The following ARB2A variants were observed in gnomAD, a reference collection of about 807,000 sequenced individuals.
The protein encoded by ARB2A is cotranscriptional regulator ARB2A.
At chr5:93,646,018 A>G in the ARB2A span, among the ~76,000 whole-genome samples, 2 of 152,190 alleles carry the variant, frequency 1.3e-5, no homozygotes, top group African/African-American at 4.8e-5. Flanking sequence ...AGCTGCATGG[A>G]CTGTCATAAT....
the ARB2A span, among the ~76,000 whole-genome samples, chr5:94,014,559 T>C: frequency 6.6e-6 from 1 of 152,068 alleles, no homozygotes; most frequent in East Asian, 1.9e-4. Flanking sequence ...GGAACTAGTG[T>C]CTGACCCTAA....
the ARB2A span, among the ~76,000 whole-genome samples, chr5:93,870,980 T>C: frequency 6.6e-6 from 1 of 152,212 alleles, no homozygotes; most frequent in Non-Finnish European, 1.5e-5. Context: ...GCATTTGTAC[T>C]TGTAAGACTG....
chr5:93,677,065 T>C, the ARB2A span, among the ~76,000 whole-genome samples: 20 of 152,296 alleles, frequency 1.3e-4, no homozygotes, highest in African/African-American at 4.6e-4. Flanking sequence ...AAAAGGGTGC[T>C]TTCCTAATTA....
At chr5:93,970,577 C>T in the ARB2A span, among the ~76,000 whole-genome samples, 2 of 152,086 alleles carry the variant, frequency 1.3e-5, no homozygotes, top group Non-Finnish European at 2.9e-5. Context: ...ATGTGGGACA[C>T]TGGGGTTTGA....
At chr5:93,798,073 G>C in the ARB2A span, among the ~76,000 whole-genome samples, 1 of 152,048 alleles carries the variant, frequency 6.6e-6, no homozygotes, top group Non-Finnish European at 1.5e-5. Flanking sequence ...ATAATAAAAG[G>C]AGATACTACC....
At chr5:93,718,604 T>C in the ARB2A span, among the ~76,000 whole-genome samples, 2 of 152,126 alleles carry the variant, frequency 1.3e-5, no homozygotes, top group Admixed American at 6.5e-5. Context: ...TCATACATAA[T>C]CCCCAGTTAC....
chr5:93,980,017 G>T, the ARB2A span, among the ~76,000 whole-genome samples: 1 of 151,860 alleles, frequency 6.6e-6, no homozygotes, highest in African/African-American at 2.4e-5. Context: ...TTTCTACCTT[G>T]GTTTTGTATT....
At chr5:93,740,691 G>C in the ARB2A span, 1 of 1,613,838 alleles carries the variant, frequency 6.2e-7, no homozygotes, top group Non-Finnish European at 8.5e-7. Flanking sequence ...CCAGGTGAAA[G>C]CACACTGGTG....
At chr5:93,677,384 G>C in the ARB2A span, among the ~76,000 whole-genome samples, 1 of 152,162 alleles carries the variant, frequency 6.6e-6, no homozygotes, top group Non-Finnish European at 1.5e-5. Context: ...AACTCAAGTG[G>C]GCTGACTTCA....
At chr5:93,953,902 C>A in the ARB2A span, among the ~76,000 whole-genome samples, 18 of 152,144 alleles carry the variant, frequency 1.2e-4, 1 homozygote, top group East Asian at 3.5e-3. Flanking sequence ...TTCCAATGGC[C>A]ACAACTACCC....
At chr5:93,986,416 T>G in the ARB2A span, among the ~76,000 whole-genome samples, 1 of 147,248 alleles carries the variant, frequency 6.8e-6, no homozygotes, top group South Asian at 2.2e-4. Context: ...GGGGCGCCTC[T>G]GCCCGGCTGC....
chr5:93,693,304 T>A, the ARB2A span, among the ~76,000 whole-genome samples: 152 of 152,116 alleles, frequency 1.0e-3, no homozygotes, highest in Middle Eastern at 3.4e-3. Flanking sequence ...AATAGACTGC[T>A]AGCCAGATTA....
At chr5:93,827,390 T>C in the ARB2A span, among the ~76,000 whole-genome samples, 1 of 152,242 alleles carries the variant, frequency 6.6e-6, no homozygotes, top group Non-Finnish European at 1.5e-5. Context: ...TGCATAAATG[T>C]CTTCTTTTGA....
the ARB2A span, among the ~76,000 whole-genome samples, chr5:94,101,680 C>T: frequency 6.6e-6 from 1 of 152,112 alleles, no homozygotes; most frequent in Non-Finnish European, 1.5e-5. Context: ...AGCAAACTAA[C>T]ACAGTAACTG....
the ARB2A span, among the ~76,000 whole-genome samples, chr5:93,962,746 T>C: frequency 6.6e-6 from 1 of 152,168 alleles, no homozygotes; most frequent in South Asian, 2.1e-4. Context: ...TAAGACAAAA[T>C]TCAGAGTTTT....
chr5:93,750,326 G>A, the ARB2A span, among the ~76,000 whole-genome samples: 1 of 152,036 alleles, frequency 6.6e-6, no homozygotes, highest in Admixed American at 6.5e-5. Flanking sequence ...TATTGTTTTT[G>A]AAGAAAAGCA....
At chr5:93,703,683 T>C in the ARB2A span, among the ~76,000 whole-genome samples, 4 of 152,172 alleles carry the variant, frequency 2.6e-5, no homozygotes, top group Admixed American at 6.5e-5. Flanking sequence ...AGAGAAGGTA[T>C]CTCTACACAA....
the ARB2A span, among the ~76,000 whole-genome samples, chr5:93,748,923 T>C: frequency 6.6e-6 from 1 of 152,176 alleles, no homozygotes; most frequent in Non-Finnish European, 1.5e-5. Flanking sequence ...TTTAACCATA[T>C]CTTTTCTATG....
the ARB2A span, among the ~76,000 whole-genome samples, chr5:93,640,064 CAAAAAAAAA>C: frequency 2.2e-4 from 13 of 59,280 alleles, no homozygotes; most frequent in Admixed American, 8.5e-4. Flanking sequence ...ACTCTGTCTC[CAAAAAAAAA>C]AAAAAAAAAA....
Sources: gnomAD v4.1 joint callset for allele counts (sites outside exome capture counted in the v4.1 genomes callset) on GRCh38, gnomAD v4.1.1 for gene constraint, MANE v1.5 for transcripts, NCBI Gene and HGNC (gene_info 2026-07-23, HGNC 2026-07-21) for gene names.